Variants in CCDC178 observed in about 807,000 individuals in gnomAD.
The protein encoded by CCDC178 is coiled-coil domain containing 178, also known as coiled-coil domain-containing protein 178.
Under a neutral mutation model 117.4 loss-of-function variants are expected in CCDC178, and 126 were observed. The observed-to-expected ratio is 1.07, with a 90% CI of 0.93 to 1.24. CCDC178 has a LOEUF of 1.24. CCDC178 is among the 50% of genes most tolerant of loss of function. CCDC178 has a pLI of 0.00. For synonymous variants in CCDC178, 283 were observed against 313.4 expected (o/e 0.90, Z 1.02); for missense variants, 1,030 against 986.9 (o/e 1.04, Z -0.59).
intron 11 of CCDC178, among the ~76,000 whole-genome samples, chr18:33,319,090 G>A (rs1307907242): frequency 2.6e-5 from 4 of 151,916 alleles, no homozygotes; most frequent in Non-Finnish European, 4.4e-5. Context: ...TGTGCACAAC[G>A]TGTAGGTTTC....
chr18:33,096,889 T>G (rs978440745), intron 20 of CCDC178, among the ~76,000 whole-genome samples: 13 of 152,114 alleles, frequency 8.5e-5, no homozygotes, highest in African/African-American at 2.7e-4. Context: ...AGGAATGCAG[T>G]ATTTACTGAA....
intron 21 of CCDC178, among the ~76,000 whole-genome samples, chr18:33,058,001 C>A (rs1357595892): frequency 6.6e-6 from 1 of 152,068 alleles, no homozygotes; most frequent in Non-Finnish European, 1.5e-5. Flanking sequence ...GAGACAATAG[C>A]AATGGTGATG....
intron 21 of CCDC178, among the ~76,000 whole-genome samples, chr18:33,075,856 C>G (rs1429036027): frequency 6.6e-6 from 1 of 152,240 alleles, no homozygotes; most frequent in East Asian, 1.9e-4. Flanking sequence ...GTAATCCCAG[C>G]TACTCGGGAG....
chr18:32,972,249 T>G (rs374516305), intron 22 of CCDC178, among the ~76,000 whole-genome samples: 26 of 152,272 alleles, frequency 1.7e-4, no homozygotes, highest in Middle Eastern at 3.4e-3. Context: ...CTAGCCAGTT[T>G]TCCCAGCACC....
At chr18:33,164,154 C>T (rs529982576) in intron 20 of CCDC178, among the ~76,000 whole-genome samples, 1 of 139,170 alleles carries the variant, frequency 7.2e-6, no homozygotes, top group Non-Finnish European at 1.5e-5. Flanking sequence ...GTTGCCCAGG[C>T]TGGAGTGCAA....
At chr18:33,125,212 A>G (rs1598908481) in intron 20 of CCDC178, among the ~76,000 whole-genome samples, 1 of 152,144 alleles carries the variant, frequency 6.6e-6, no homozygotes, top group African/African-American at 2.4e-5. Context: ...GCATAATATA[A>G]TGCACTTCAG....
intron 20 of CCDC178, among the ~76,000 whole-genome samples, chr18:33,148,070 G>A (rs1377951681): frequency 6.6e-6 from 1 of 152,198 alleles, no homozygotes; most frequent in Non-Finnish European, 1.5e-5. Context: ...GGCCAAGGCA[G>A]GCGGCTGGGA....
At chr18:33,128,743 T>C (rs2058037134) in intron 20 of CCDC178, among the ~76,000 whole-genome samples, 1 of 152,158 alleles carries the variant, frequency 6.6e-6, no homozygotes, top group South Asian at 2.1e-4. Context: ...CGGAGAGAAA[T>C]CAGTGACTAA....
At chr18:33,128,589 T>C (rs891406630) in intron 20 of CCDC178, among the ~76,000 whole-genome samples, 6 of 152,170 alleles carry the variant, frequency 3.9e-5, no homozygotes, top group Admixed American at 3.9e-4. Context: ...GCAGCTTATT[T>C]AGAATCCTTG....
chr18:32,981,918 T>C lies in CCDC178; in HGVS notation c.2389-7237A>G, dbSNP rs559832127. Reference sequence around the variant, plus strand: ...AAATTAAAGATTGCCATATGTAAAATATTTTCATGAGAATTTGAATTTGCT... The same window carrying C: ...AAATTAAAGATTGCCATATGTAAAACATTTTCATGAGAATTTGAATTTGCT... On this transcript the variant is annotated intron_variant, in intron 21 of 22. Coordinates refer to ENST00000383096, the MANE Select transcript of CCDC178 (RefSeq NM_001105528.4). 2.0e-5 allele frequency among the ~76,000 whole-genome samples: 3 copies of C among 152,284 alleles called. No homozygotes were observed. In the South Asian group the frequency reaches 6.2e-4, roughly 32 times the overall value.
intron 20 of CCDC178, among the ~76,000 whole-genome samples, chr18:33,162,313 C>G (rs1229425121): frequency 6.6e-6 from 1 of 151,970 alleles, no homozygotes; most frequent in Non-Finnish European, 1.5e-5. Context: ...GCACATGTAC[C>G]CTAAAACTTA....
In CCDC178 at chr18:33,215,606, T is replaced by C. The variant is rs190537483; in HGVS notation, c.2022A>G (p.Glu674=). 57 of 1,515,134 alleles carry C rather than the reference T, an allele frequency of 3.8e-5. No homozygotes were observed. Among genetic ancestry groups the C allele is most frequent in the Non-Finnish European group, 4.7e-5 (53 of 1,131,354 alleles). The allele number at this position is 1,515,134 out of a possible 1,614,324, so 93.9% of individuals were successfully genotyped here. A position where few individuals can be genotyped will look rare whatever the true frequency, so the allele number is the denominator to read the frequency against. ...FYAKINELNE[E]LKAKEEEKKS... is the part of the protein sequence containing the mutation. Reference sequence around the variant, plus strand: ...TCTTTTCTTCTTCTTTTGCTTTTAATTCCTCATTCAATTCATTTATTTTTG... The same window carrying C: ...TCTTTTCTTCTTCTTTTGCTTTTAACTCCTCATTCAATTCATTTATTTTTG... Residue 674 remains glutamate (E), a synonymous_variant, in exon 19 of 23, where the codon GAA becomes GAG. Coordinates refer to ENST00000383096, the MANE Select transcript of CCDC178 (RefSeq NM_001105528.4).
chr18:33,276,466 A>C (rs943469285), intron 12 of CCDC178, among the ~76,000 whole-genome samples: 5 of 152,132 alleles, frequency 3.3e-5, no homozygotes, highest in Admixed American at 2.6e-4. Context: ...AAGACTAAGC[A>C]CTGAGGTTCT....
At chr18:33,312,111 T>G (rs562955007) in intron 11 of CCDC178, among the ~76,000 whole-genome samples, 1 of 152,276 alleles carries the variant, frequency 6.6e-6, no homozygotes, top group African/African-American at 2.4e-5. Flanking sequence ...TTTAAGGCAA[T>G]TAATGAGGTA....
chr18:33,115,570 C>T (rs892162751), intron 20 of CCDC178, among the ~76,000 whole-genome samples: 1 of 151,962 alleles, frequency 6.6e-6, no homozygotes, highest in Non-Finnish European at 1.5e-5. Context: ...TTTTAGTAAT[C>T]ACCGAACAAA....
chr18:33,236,004 G>C (rs1401673359), intron 15 of CCDC178, among the ~76,000 whole-genome samples: 1 of 152,156 alleles, frequency 6.6e-6, no homozygotes, highest in Non-Finnish European at 1.5e-5. Flanking sequence ...GAAAGTGCTA[G>C]ACATACTTCT....
intron 20 of CCDC178, among the ~76,000 whole-genome samples, chr18:33,203,696 T>C (rs1283775627): frequency 1.3e-5 from 2 of 152,144 alleles, no homozygotes; most frequent in East Asian, 3.9e-4. Flanking sequence ...CCTGAAATAT[T>C]TCTCCATTTC....
intron 15 of CCDC178, among the ~76,000 whole-genome samples, chr18:33,239,683 C>T (rs1361977786): frequency 6.6e-6 from 1 of 151,514 alleles, no homozygotes; most frequent in Non-Finnish European, 1.5e-5. Context: ...CACATATATA[C>T]CTAATGCCAG....
chr18:32,955,345 T>C (rs1291053262), intron 22 of CCDC178, among the ~76,000 whole-genome samples: 1 of 152,212 alleles, frequency 6.6e-6, no homozygotes, highest in African/African-American at 2.4e-5. Flanking sequence ...CATATGTAGA[T>C]ATTTTAATTC....
Sources: allele counts gnomAD v4.1 joint callset (sites outside exome capture counted in the v4.1 genomes callset), GRCh38; gene constraint gnomAD v4.1.1; transcripts MANE v1.5; gene names NCBI Gene and HGNC (gene_info 2026-07-23, HGNC 2026-07-21).